Variants in ABHD17C observed in about 807,000 individuals in gnomAD.
The protein encoded by ABHD17C is abhydrolase domain containing 17C, depalmitoylase.
Under a neutral mutation model 27.9 loss-of-function variants are expected in ABHD17C, and 11 were observed. That is an observed-to-expected ratio of 0.39 (90% confidence interval 0.25 to 0.65). The LOEUF (loss-of-function observed/expected upper bound fraction) is 0.65, where lower values mean the gene tolerates loss of function less well. Ranked by LOEUF, ABHD17C falls within the 30% of genes least tolerant of loss-of-function variation. The pLI, the probability that ABHD17C is intolerant of heterozygous loss-of-function variation, is 0.45. For synonymous variants in ABHD17C, 233 were observed against 209.1 expected, an observed-to-expected ratio of 1.11 and a Z score of -0.98; for missense variants, 280 against 470.2, an observed-to-expected ratio of 0.60 and a Z score of 3.74.
At chr15:80,741,030 A>G (rs929129136) in intron 1 of ABHD17C, among the ~76,000 whole-genome samples, 2 of 152,180 alleles carry the variant, frequency 1.3e-5, no homozygotes, top group East Asian at 1.9e-4. Context: ...CGTTGCCCAC[A>G]TAGCTTGTAC....
At chr15:80,749,728 C>A in intron 2 of ABHD17C, 36 bp downstream of exon 2, 2 of 1,584,764 alleles carry the variant, frequency 1.3e-6, no homozygotes, top group Non-Finnish European at 1.7e-6. Context: ...GGTAAGTCAG[C>A]CAATGACTGT....
At chr15:80,748,195 T>G (rs1895316341) in intron 1 of ABHD17C, among the ~76,000 whole-genome samples, 1 of 152,218 alleles carries the variant, frequency 6.6e-6, no homozygotes, top group Non-Finnish European at 1.5e-5. Flanking sequence ...GGGGAGGAAG[T>G]TGGGCTGAAA....
intron 1 of ABHD17C, among the ~76,000 whole-genome samples, chr15:80,730,916 A>G (rs1438889022): frequency 1.3e-5 from 2 of 152,190 alleles, no homozygotes; most frequent in East Asian, 3.9e-4. Flanking sequence ...AGTGGCCAAT[A>G]AAGGCTTCCT....
chr15:80,748,921 A>T (rs961424825), intron 1 of ABHD17C, among the ~76,000 whole-genome samples: 2 of 151,810 alleles, frequency 1.3e-5, no homozygotes, highest in African/African-American at 4.8e-5. Flanking sequence ...ACAGCCCTTT[A>T]CTTAACTAAC....
At chr15:80,699,129 C>T (rs1394663483) in intron 1 of ABHD17C, among the ~76,000 whole-genome samples, 6 of 152,170 alleles carry the variant, frequency 3.9e-5, no homozygotes, top group African/African-American at 1.4e-4. Context: ...GCACCTGGTA[C>T]TCAGCCCCTT....
chr15:80,716,144 A>G (rs1234194476), intron 1 of ABHD17C, among the ~76,000 whole-genome samples: 1 of 152,220 alleles, frequency 6.6e-6, no homozygotes, highest in African/African-American at 2.4e-5. Context: ...AGTCTGCAAC[A>G]TGCCTAACTC....
chr15:80,751,560 C>T (rs547427071), intron 2 of ABHD17C, among the ~76,000 whole-genome samples: 11 of 152,230 alleles, frequency 7.2e-5, no homozygotes, highest in Admixed American at 7.2e-4. Context: ...TGGGCAACAC[C>T]ACAGCAAGAT....
At chr15:80,728,064 A>G (rs1895006514) in intron 1 of ABHD17C, among the ~76,000 whole-genome samples, 1 of 152,112 alleles carries the variant, frequency 6.6e-6, no homozygotes, top group Admixed American at 6.5e-5. Context: ...CGATTCATCT[A>G]CCTGGCAGGA....
intron 1 of ABHD17C, among the ~76,000 whole-genome samples, chr15:80,736,296 A>T (rs1004526835): frequency 6.6e-6 from 1 of 152,234 alleles, no homozygotes; most frequent in Non-Finnish European, 1.5e-5. Context: ...GTTCCTCAAA[A>T]CAAAGTTGTA....
At chr15:80,700,743 T>A (rs895623883) in intron 1 of ABHD17C, among the ~76,000 whole-genome samples, 4 of 151,786 alleles carry the variant, frequency 2.6e-5, no homozygotes, top group East Asian at 1.9e-4. Flanking sequence ...CTACAAAAAA[T>A]TTTTAAAAGT....
chr15:80,754,130 T>TC, intron 2 of ABHD17C, 21 bp from the exon 3 acceptor site: 3 of 1,589,684 alleles, frequency 1.9e-6, no homozygotes, highest in Non-Finnish European at 2.6e-6. Context: ...TCTTTCTGCC[T>TC]CCCCCCTTTC....
chr15:80,707,614 T>G (rs1894666015), intron 1 of ABHD17C, among the ~76,000 whole-genome samples: 1 of 151,354 alleles, frequency 6.6e-6, no homozygotes. Flanking sequence ...TTAAGAAAGT[T>G]TACGAATTTG....
At chr15:80,733,335 C>A (rs148323919) in intron 1 of ABHD17C, among the ~76,000 whole-genome samples, 9 of 152,280 alleles carry the variant, frequency 5.9e-5, no homozygotes, top group Non-Finnish European at 1.2e-4. Context: ...AGCAGGCTCA[C>A]TTGCTCTCAG....
intron 2 of ABHD17C, among the ~76,000 whole-genome samples, chr15:80,752,647 T>C (rs1227375430): frequency 6.6e-6 from 1 of 152,228 alleles, no homozygotes; most frequent in Non-Finnish European, 1.5e-5. Flanking sequence ...ACAAAAAGAT[T>C]CCCACAAATA....
At chr15:80,711,858 A>G (rs971992388) in intron 1 of ABHD17C, among the ~76,000 whole-genome samples, 1 of 152,332 alleles carries the variant, frequency 6.6e-6, no homozygotes, top group African/African-American at 2.4e-5. Context: ...TGGAGTCTGT[A>G]TTTCTCAGGA....
At chr15:80,719,583 C>T (rs1894861333) in intron 1 of ABHD17C, among the ~76,000 whole-genome samples, 1 of 152,178 alleles carries the variant, frequency 6.6e-6, no homozygotes, top group Admixed American at 6.5e-5. Flanking sequence ...AATATCATTA[C>T]TATGGGGATA....
intron 1 of ABHD17C, among the ~76,000 whole-genome samples, chr15:80,705,333 T>TTGTGTGTGTG (rs1555421862): frequency 0.036 from 3,888 of 106,870 alleles, 121 homozygotes; most frequent in African/African-American, 0.064. Context: ...TTCCTATGAT[T>TTGTGTGTGTG]TGTGTGTGTG....
At chr15:80,750,064 A>G (rs961723800) in intron 2 of ABHD17C, among the ~76,000 whole-genome samples, 5 of 152,244 alleles carry the variant, frequency 3.3e-5, no homozygotes, top group Non-Finnish European at 7.3e-5. Flanking sequence ...GCTGTATACA[A>G]TATGTGTGAT....
At chr15:80,711,048 T>C (rs940519211) in intron 1 of ABHD17C, among the ~76,000 whole-genome samples, 6 of 152,122 alleles carry the variant, frequency 3.9e-5, no homozygotes, top group Non-Finnish European at 1.5e-5. Context: ...GGGCTAGAAA[T>C]AAATTTGGGA....
Sources: allele counts gnomAD v4.1 joint callset (sites outside exome capture counted in the v4.1 genomes callset), GRCh38; gene constraint gnomAD v4.1.1; transcripts MANE v1.5; gene names NCBI Gene and HGNC (gene_info 2026-07-23, HGNC 2026-07-21).